RGS6: variants seen among roughly 807,000 people sequenced by gnomAD.
RGS6 encodes regulator of G-protein signaling 6.
Under a neutral mutation model 78.5 loss-of-function variants are expected in RGS6, and 30 were observed. The ratio of observed to expected loss-of-function variants is 0.38; its 90% CI spans 0.29 to 0.52. The LOEUF (loss-of-function observed/expected upper bound fraction) is 0.52, where lower values mean the gene tolerates loss of function less well. Among genes scored for constraint, RGS6 ranks in the 20% least tolerant of loss-of-function variants. The probability of loss-of-function intolerance (pLI) is 0.85; values close to 1 mark genes in which losing one functional copy is unlikely to be tolerated. For synonymous variants in RGS6, 206 were observed against 206.0 expected, an observed-to-expected ratio of 1.00 and a Z score of 0.00; for missense variants, 495 against 609.7, an observed-to-expected ratio of 0.81 and a Z score of 1.98.
rs141658328 is a variant in RGS6 at position 71,967,607 on chromosome 14, A to T, written c.84+2732A>T. On this transcript the variant is annotated intron_variant, in intron 2 of 17. Coordinates refer to ENST00000553525, the MANE Select transcript of RGS6 (RefSeq NM_001204424.2). ...ATACCCACGACTACAATTTACATTT[A>T]AAAAATTGTGCTTTCATTTTTGTTT... Among the ~76,000 whole-genome samples the T allele has an allele frequency of 4.0e-4, 61 of 152,292 alleles. No homozygotes were observed. In the Middle Eastern group the frequency reaches 0.01, roughly 25 times the overall value.
At chr14:72,455,304 A>G (rs750147296) in intron 4 of RGS6, among the ~76,000 whole-genome samples, 13 of 152,224 alleles carry the variant, frequency 8.5e-5, no homozygotes, top group Non-Finnish European at 1.5e-4. Context: ...ATAAAGATCC[A>G]CTAATACACT....
intron 2 of RGS6, among the ~76,000 whole-genome samples, chr14:72,331,873 G>T (rs945179523): frequency 6.6e-6 from 1 of 152,274 alleles, no homozygotes; most frequent in Middle Eastern, 3.4e-3. Context: ...TCATGTCTGC[G>T]ATACTTTGTC....
At chr14:71,925,855 T>C in the RGS6 span, among the ~76,000 whole-genome samples, 68 of 152,194 alleles carry the variant, frequency 4.5e-4, no homozygotes, top group East Asian at 1.5e-3. Context: ...ATCAATTGCA[T>C]TTCATTATAC....
intron 2 of RGS6, among the ~76,000 whole-genome samples, chr14:72,021,148 C>T (rs749214419): frequency 6.6e-6 from 1 of 152,216 alleles, no homozygotes; most frequent in Non-Finnish European, 1.5e-5. Flanking sequence ...TCCTTCTCTT[C>T]ACTTTTCTTT....
chr14:72,273,108 G>A (rs972783735), intron 2 of RGS6, among the ~76,000 whole-genome samples: 1 of 151,198 alleles, frequency 6.6e-6, no homozygotes, highest in Non-Finnish European at 1.5e-5. Flanking sequence ...CTCCAGCCTC[G>A]GCTACAAGGG....
At chr14:72,487,846 G>T (rs2153391811) in intron 12 of RGS6, among the ~76,000 whole-genome samples, 1 of 150,130 alleles carries the variant, frequency 6.7e-6, no homozygotes, top group Non-Finnish European at 1.5e-5. Flanking sequence ...TGTTCCAGCA[G>T]CCCTTAGAAA....
chr14:72,152,464 G>T (rs1435434154), intron 2 of RGS6, among the ~76,000 whole-genome samples: 1 of 152,156 alleles, frequency 6.6e-6, no homozygotes, highest in Non-Finnish European at 1.5e-5. Context: ...GATGTACAGG[G>T]CTGTGGGGCA....
intron 2 of RGS6, among the ~76,000 whole-genome samples, chr14:72,343,673 G>A (rs879056514): frequency 1.6e-4 from 25 of 152,148 alleles, no homozygotes; most frequent in African/African-American, 5.8e-4. Flanking sequence ...CCTTAGGTGA[G>A]CCCGGGCCAC....
the RGS6 span, among the ~76,000 whole-genome samples, chr14:71,897,021 G>T: frequency 1.3e-5 from 2 of 152,186 alleles, no homozygotes; most frequent in African/African-American, 4.8e-5. Flanking sequence ...CTCCCTTGTT[G>T]CACTTACTGC....
At chr14:72,191,299 G>A (rs892384648) in intron 2 of RGS6, among the ~76,000 whole-genome samples, 2 of 150,880 alleles carry the variant, frequency 1.3e-5, no homozygotes, top group African/African-American at 4.9e-5. Context: ...TGTAAATGAG[G>A]TTTCAACTCA....
intron 3 of RGS6, among the ~76,000 whole-genome samples, chr14:72,402,631 A>C (rs969103286): frequency 1.3e-5 from 2 of 152,096 alleles, no homozygotes; most frequent in East Asian, 1.9e-4. Flanking sequence ...TGCAAAAAAA[A>C]CCCACTTATA....
intron 2 of RGS6, among the ~76,000 whole-genome samples, chr14:72,057,144 T>C (rs2093655028): frequency 6.6e-6 from 1 of 151,766 alleles, no homozygotes. Context: ...TGAAACCCCA[T>C]CTCTACTAAA....
chr14:72,495,289 T>G, intron 13 of RGS6, 27 bp downstream of exon 13: 2 of 1,369,356 alleles, frequency 1.5e-6, no homozygotes, highest in Non-Finnish European at 2.1e-6. Flanking sequence ...GGTTTGGGAG[T>G]GGGATGAATG....
At chr14:71,956,723 A>G (rs1171235698) in intron 1 of RGS6, among the ~76,000 whole-genome samples, 1 of 152,086 alleles carries the variant, frequency 6.6e-6, no homozygotes, top group East Asian at 1.9e-4. Flanking sequence ...CTTTGGCAAC[A>G]CCCTCACAGA....
intron 2 of RGS6, among the ~76,000 whole-genome samples, chr14:72,221,946 T>C (rs941300619): frequency 4.6e-5 from 7 of 152,174 alleles, no homozygotes; most frequent in Non-Finnish European, 1.0e-4. Context: ...GGATGTGAAA[T>C]AGGTGAGTAA....
At chr14:72,161,518 C>T (rs887326746) in intron 2 of RGS6, among the ~76,000 whole-genome samples, 1 of 152,130 alleles carries the variant, frequency 6.6e-6, no homozygotes, top group Non-Finnish European at 1.5e-5. Flanking sequence ...CTCGTGGTAC[C>T]ATTTCCTCAT....
rs1026786282 is a variant in RGS6, at chr14:72,390,444, G to A, written c.184+38250G>A. ...AAAGCAAAGCTTTTCACATCAGCTA[G>A]TGTAGTGTCTGAAAAAGTCCTCATT... On this transcript the variant is annotated intron_variant, in intron 3 of 17. Transcript: ENST00000553525. 8.5e-5 allele frequency among the ~76,000 whole-genome samples: 13 copies of A among 152,132 alleles called. No homozygotes were observed. The South Asian group carries it at 1.9e-3, about 22-fold the overall frequency.
At chr14:72,080,960 C>T (rs530583394) in intron 2 of RGS6, among the ~76,000 whole-genome samples, 107 of 152,186 alleles carry the variant, frequency 7.0e-4, no homozygotes, top group African/African-American at 2.4e-3. Flanking sequence ...GTGATGTCTC[C>T]ACCTTTGTTC....
chr14:72,134,561 AG>A (rs2096398378), intron 2 of RGS6, among the ~76,000 whole-genome samples: 1 of 152,368 alleles, frequency 6.6e-6, no homozygotes, highest in Middle Eastern at 3.4e-3. Flanking sequence ...CATGTGTGTT[AG>A]GGTTCTCCAG....
Sources: gnomAD v4.1 joint callset for allele counts (sites outside exome capture counted in the v4.1 genomes callset) on GRCh38, gnomAD v4.1.1 for gene constraint, MANE v1.5 for transcripts, NCBI Gene and HGNC (gene_info 2026-07-23, HGNC 2026-07-21) for gene names.